Variants in IFNAR2 observed in about 807,000 individuals in gnomAD.
IFNAR2 encodes the protein interferon alpha/beta receptor 2.
A neutral mutation model predicts 49.4 loss-of-function variants in IFNAR2; 30 were observed. The ratio of observed to expected loss-of-function variants is 0.61; its 90% CI spans 0.45 to 0.82. IFNAR2 has a LOEUF of 0.82. Among genes scored for constraint, IFNAR2 ranks in the 40% least tolerant of loss-of-function variants. IFNAR2 has a pLI of 0.00. For missense variants in IFNAR2, 600 were observed against 622.7 expected (o/e 0.96, Z 0.39); for synonymous variants, 224 against 234.5 (o/e 0.96, Z 0.41).
At chr21:33,233,038 A>G (rs1400835017) in intron 1 of IFNAR2, 11 of 546,024 alleles carry the variant, frequency 2.0e-5, no homozygotes, top group Non-Finnish European at 2.6e-5. Flanking sequence ...TACACTGTGC[A>G]ACAACTTGAT....
Position 33,263,252 on chromosome 21 carries a change from G to A in IFNAR2, c.1300G>A (p.Val434Ile), listed in dbSNP as rs144891843. 1.9e-6 allele frequency: 3 copies of A among 1,614,110 alleles called. No homozygotes were observed. In the African/African-American group the frequency reaches 4.0e-5, roughly 22 times the overall value. The change falls in exon 9 of 9, where the codon GTT becomes ATT. Residue 434 changes from valine (V) to isoleucine (I), a missense_variant. By Grantham distance (29) the Val-to-Ile change is conservative (BLOSUM62 3). Coordinates refer to ENST00000342136, the MANE Select transcript of IFNAR2 (RefSeq NM_001289125.3). Reference sequence around the variant, plus strand: ...GGACTTAAACTCTGTGTTTTTGAGAGTTCTTGATGACGAGGACAGTGACGA... The same window carrying A: ...GGACTTAAACTCTGTGTTTTTGAGAATTCTTGATGACGAGGACAGTGACGA... ...NVDLNSVFLRVLDDEDSDDLE... is the reference protein window; with the variant it reads ...NVDLNSVFLRILDDEDSDDLE...
chr21:33,241,790 C>T, intron 1 of IFNAR2, 50 bp from the exon 2 acceptor site: 1 of 1,374,838 alleles, frequency 7.3e-7, no homozygotes, highest in Admixed American at 2.5e-5. Flanking sequence ...TTTACTATTC[C>T]TTACAGGTCT....
At position 33,246,766 on chromosome 21, in the gene IFNAR2, A is replaced by T. The variant is rs781199463; in HGVS notation, c.270A>T (p.Arg90Ser). The T allele has an allele frequency of 1.9e-6, 3 of 1,613,808 alleles. No homozygotes were observed. The highest frequency in any genetic ancestry group is 2.5e-6 in the Non-Finnish European group (3 of 1,179,804). Reference protein sequence around the residue: ...KVVKNCANTTRSFCDLTDEWR... With the variant: ...KVVKNCANTTSSFCDLTDEWR... ...TTAAGAACTGTGCAAATACCACAAGATCATTTTGTGACCTCACAGATGAGT... is the reference window on the plus strand; with the variant it reads ...TTAAGAACTGTGCAAATACCACAAGTTCATTTTGTGACCTCACAGATGAGT... The change falls in exon 5 of 9, where the codon AGA (arginine) becomes AGT (serine). Residue 90 changes from arginine to serine, a missense_variant. By Grantham distance (110) the Arg-to-Ser change is moderately radical. Transcript: ENST00000342136.
At chr21:33,246,569 C>A in intron 4 of IFNAR2, 149 bp from the exon 5 acceptor site, 1 of 622,748 alleles carries the variant, frequency 1.6e-6, no homozygotes, top group Non-Finnish European at 2.8e-6. Context: ...TAAGATGTTC[C>A]ATTTTCAATA....
chr21:33,258,069 C>T (rs1988330542), intron 7 of IFNAR2, among the ~76,000 whole-genome samples: 1 of 152,090 alleles, frequency 6.6e-6, no homozygotes, highest in Admixed American at 6.6e-5. Flanking sequence ...CTTTGGGGGG[C>T]CGAGCCAGGT....
chr21:33,242,719 A>G, intron 2 of IFNAR2, among the ~76,000 whole-genome samples: 1 of 93,836 alleles, frequency 1.1e-5, no homozygotes, highest in Non-Finnish European at 2.0e-5. Flanking sequence ...ACAGAGCAAG[A>G]CTCTGTCTCA....
rs17860247 is a variant in IFNAR2, at chr21:33,264,680, G to A, written c.*1180G>A. The A allele has an allele frequency of 6.6e-6, 1 of 152,224 alleles. No homozygotes were observed. Among genetic ancestry groups the A allele is most frequent in the East Asian group, 1.9e-4 (1 of 5,170 alleles). 9.4% of individuals were successfully genotyped at this position (152,224 alleles called of 1,614,324 possible). On this transcript the variant is annotated 3_prime_UTR_variant, in exon 9 of 9. Transcript: ENST00000342136. ...GCCTGTGGATCTAGGCCGGGTTGGG[G>A]GGGTGTGGGCGGGGGAAGGGAAGTC...
In IFNAR2 at chr21:33,265,663, A is replaced by G. The variant is rs932861826; in HGVS notation, c.*2163A>G. The G allele has an allele frequency of 1.3e-5, 3 of 229,004 alleles. No individual in the cohort carries two copies. Among genetic ancestry groups the G allele is most frequent in the African/African-American group, 4.7e-5 (2 of 42,228 alleles). 14.2% of individuals were successfully genotyped at this position (229,004 alleles called of 1,614,324 possible). The stretch of plus-strand genomic sequence containing the variant: ...AACACAACAGTACTTTTTTAATACA[A>G]ACTTGGTGTGGTCTTGAGTTGTCTT... On this transcript the variant is annotated 3_prime_UTR_variant, in exon 9 of 9. Transcript: ENST00000342136.
Position 33,258,031 on chromosome 21 carries a change from G to A in IFNAR2, c.710-2566G>A, listed in dbSNP as rs7278920. Among the ~76,000 whole-genome samples the A allele has an allele frequency of 3.1e-3, 466 of 152,304 alleles. 8 individuals carry two copies. Among genetic ancestry groups the A allele is most frequent in the African/African-American group, 0.01 (436 of 41,572 alleles). On this transcript the variant is annotated intron_variant, in intron 7 of 8. Coordinates refer to ENST00000342136, the MANE Select transcript of IFNAR2 (RefSeq NM_001289125.3). Reference sequence around the variant, plus strand: ...ATGAAATTGAAGATCTTGGCCAGGCGCAGTGGCTCATGCCTGTAATTCCAG... The same window carrying A: ...ATGAAATTGAAGATCTTGGCCAGGCACAGTGGCTCATGCCTGTAATTCCAG...
chr21:33,253,913 T>G (rs769513118), intron 7 of IFNAR2, among the ~76,000 whole-genome samples: 4 of 152,174 alleles, frequency 2.6e-5, no homozygotes, highest in African/African-American at 4.8e-5. Context: ...CGGTATCTTG[T>G]GCCAACCCCC....
intron 6 of IFNAR2, among the ~76,000 whole-genome samples, chr21:33,251,313 A>C (rs1987821662): frequency 1.3e-5 from 2 of 152,338 alleles, no homozygotes; most frequent in Admixed American, 1.3e-4. Context: ...TGGTCTACTG[A>C]GTCCAGTGCT....
Position 33,248,871 on chromosome 21 carries a change from G to A in IFNAR2, c.540+17G>A. 1.3e-6 allele frequency: 2 copies of A among 1,569,932 alleles called. No individual in the cohort carries two copies. Among genetic ancestry groups the A allele is most frequent in the Non-Finnish European group, 1.7e-6 (2 of 1,155,392 alleles). On this transcript the variant is annotated intron_variant, in intron 6 of 8. Coordinates refer to ENST00000342136, the MANE Select transcript of IFNAR2 (RefSeq NM_001289125.3). ...GTTAAGAAGGTAAGTGGCTTCTCCT[G>A]TTAGGATCAAAACAGTTCTGAGTGG...
intron 1 of IFNAR2, among the ~76,000 whole-genome samples, chr21:33,233,875 C>T (rs542975165): frequency 2.7e-5 from 4 of 149,868 alleles, no homozygotes; most frequent in South Asian, 4.2e-4. Context: ...AGATAGAATG[C>T]GATTGTTATT....
chr21:33,235,780 G>T (rs1468106503), intron 1 of IFNAR2, among the ~76,000 whole-genome samples: 1 of 152,018 alleles, frequency 6.6e-6, no homozygotes, highest in Non-Finnish European at 1.5e-5. Context: ...CAAAAAATTA[G>T]CTGGGTGTGG....
Position 33,244,450 on chromosome 21 carries a change from C to T in IFNAR2, c.98-501C>T, listed in dbSNP as rs552434609. 1.1e-4 allele frequency among the ~76,000 whole-genome samples: 16 copies of T among 152,272 alleles called. No homozygotes were observed. In the South Asian group the frequency reaches 2.9e-3, roughly 28 times the overall value. ...GGCCAGTCTGGGCTCATGTTATACT[C>T]CCCTGCTCTCTGTGATCCAGGGAAT... On this transcript the variant is annotated intron_variant, in intron 3 of 8. Transcript: ENST00000342136.
At chr21:33,244,572 G>A (rs762272796) in intron 3 of IFNAR2, among the ~76,000 whole-genome samples, 3 of 152,104 alleles carry the variant, frequency 2.0e-5, no homozygotes, top group Non-Finnish European at 2.9e-5. Context: ...TTGAGAGAAC[G>A]GCTTGGGGAG....
At position 33,260,644 on chromosome 21, in the gene IFNAR2, A is replaced by G; in HGVS notation, c.757A>G (p.Ile253Val). The change falls in exon 8 of 9, where the codon ATA becomes GTA. Residue 253 changes from isoleucine (I) to valine (V), a missense_variant. Ile to Val is a conservative substitution (Grantham distance 29). Transcript: ENST00000342136. ...AGGAGGAATAATTACTGTGTTTTTG[A>G]TAGCATTGGTCTTGACAAGCACCAT... ...KIGGIITVFL[I>V]ALVLTSTIVT... 3 of 1,601,264 alleles carry G rather than the reference A, an allele frequency of 1.9e-6. No individual in the cohort carries two copies. Among genetic ancestry groups the G allele is most frequent in the Non-Finnish European group, 2.5e-6 (3 of 1,176,754 alleles).
intron 1 of IFNAR2, among the ~76,000 whole-genome samples, chr21:33,238,028 A>G (rs989606330): frequency 2.6e-5 from 4 of 152,206 alleles, no homozygotes; most frequent in Non-Finnish European, 5.9e-5. Context: ...TTTATGGCCC[A>G]GGACATACGA....
chr21:33,244,916 C>T, intron 3 of IFNAR2, 35 bp from the exon 4 acceptor site: 2 of 1,610,738 alleles, frequency 1.2e-6, no homozygotes, highest in Non-Finnish European at 1.7e-6. Context: ...ACTGTGGGTT[C>T]CAAATTTCAA....
Sources: allele counts gnomAD v4.1 joint callset (sites outside exome capture counted in the v4.1 genomes callset), GRCh38; gene constraint gnomAD v4.1.1; transcripts MANE v1.5; gene names NCBI Gene and HGNC (gene_info 2026-07-23, HGNC 2026-07-21).